Variants in BRINP1 observed in about 807,000 individuals in gnomAD.
BRINP1 encodes the protein BMP/retinoic acid-inducible neural-specific protein 1.
Under a neutral mutation model 72.9 loss-of-function variants are expected in BRINP1, and 17 were observed. The ratio of observed to expected loss-of-function variants is 0.23; its 90% CI spans 0.16 to 0.35. BRINP1 has a LOEUF of 0.35. Ranked by LOEUF, BRINP1 falls within the 10% of genes least tolerant of loss-of-function variation. The pLI is 1.00. For synonymous variants in BRINP1, 418 were observed against 378.5 expected, an observed-to-expected ratio of 1.10 and a Z score of -1.21; for missense variants, 850 against 1,001.6, an observed-to-expected ratio of 0.85 and a Z score of 2.04.
At chr9:119,321,599 C>G (rs1014338744) in intron 1 of BRINP1, among the ~76,000 whole-genome samples, 9 of 152,294 alleles carry the variant, frequency 5.9e-5, no homozygotes, top group Admixed American at 3.9e-4. Flanking sequence ...ATCAGCCTCC[C>G]CACTAGCTGG....
At chr9:119,269,501 T>C (rs781231166) in intron 2 of BRINP1, among the ~76,000 whole-genome samples, 11 of 152,214 alleles carry the variant, frequency 7.2e-5, no homozygotes, top group Non-Finnish European at 1.2e-4. Context: ...CTCCATGGTT[T>C]CTTTTCTTTT....
intron 7 of BRINP1, among the ~76,000 whole-genome samples, chr9:119,173,684 G>T (rs1279318370): frequency 6.9e-6 from 1 of 143,952 alleles, no homozygotes; most frequent in Non-Finnish European, 1.5e-5. Context: ...GCATCGCCAA[G>T]TCAATCCTAA....
At chr9:119,360,337 G>A (rs187960423) in intron 1 of BRINP1, among the ~76,000 whole-genome samples, 16 of 152,288 alleles carry the variant, frequency 1.1e-4, no homozygotes, top group African/African-American at 3.6e-4. Context: ...AGATGTTTTT[G>A]TCGTCCCAGC....
intron 1 of BRINP1, among the ~76,000 whole-genome samples, chr9:119,338,863 C>G (rs1439865533): frequency 1.3e-5 from 2 of 149,112 alleles, no homozygotes; most frequent in East Asian, 4.0e-4. Context: ...CCAGCCCTGG[C>G]GACACAGGGA....
chr9:119,345,521 T>C (rs751097511), intron 1 of BRINP1, among the ~76,000 whole-genome samples: 1 of 152,192 alleles, frequency 6.6e-6, no homozygotes, highest in Non-Finnish European at 1.5e-5. Flanking sequence ...TGCTACCCCA[T>C]CTTACTGTCT....
chr9:119,220,022 T>C (rs371595800), intron 5 of BRINP1, among the ~76,000 whole-genome samples: 14 of 152,258 alleles, frequency 9.2e-5, no homozygotes, highest in African/African-American at 2.4e-4. Context: ...TTTTGTTTGT[T>C]TGCTTACAAG....
chr9:119,179,899 G>A (rs1829533469), intron 7 of BRINP1, among the ~76,000 whole-genome samples: 1 of 152,182 alleles, frequency 6.6e-6, no homozygotes, highest in African/African-American at 2.4e-5. Context: ...GGAATTTCTG[G>A]CAACCTGACA....
intron 5 of BRINP1, among the ~76,000 whole-genome samples, chr9:119,234,989 T>C (rs1013149262): frequency 6.6e-6 from 1 of 152,158 alleles, no homozygotes; most frequent in African/African-American, 2.4e-5. Flanking sequence ...AAATTCTATA[T>C]GGTCTTTTCA....
intron 7 of BRINP1, among the ~76,000 whole-genome samples, chr9:119,174,302 C>G (rs1217273946): frequency 6.6e-6 from 1 of 150,858 alleles, no homozygotes; most frequent in Admixed American, 6.6e-5. Flanking sequence ...AACAAGTGGG[C>G]GAAGGACATG....
At chr9:119,169,459 C>T (rs897891734) in intron 7 of BRINP1, among the ~76,000 whole-genome samples, 5 of 152,234 alleles carry the variant, frequency 3.3e-5, no homozygotes, top group African/African-American at 9.6e-5. Flanking sequence ...ATTATATTAC[C>T]GCACCTGGCT....
At chr9:119,229,361 T>C (rs1830125561) in intron 5 of BRINP1, among the ~76,000 whole-genome samples, 1 of 152,144 alleles carries the variant, frequency 6.6e-6, no homozygotes, top group Admixed American at 6.5e-5. Context: ...TATTCTTACA[T>C]GCATAATACA....
chr9:119,332,368 A>G (rs987113828), intron 1 of BRINP1, among the ~76,000 whole-genome samples: 3 of 152,208 alleles, frequency 2.0e-5, no homozygotes, highest in African/African-American at 2.4e-5. Flanking sequence ...ATTCATCTCC[A>G]TAACAACCTA....
chr9:119,174,945 T>TATC (rs1192438624), intron 7 of BRINP1, among the ~76,000 whole-genome samples: 1 of 140,928 alleles, frequency 7.1e-6, no homozygotes, highest in African/African-American at 2.7e-5. Context: ...GGAAGGGGAA[T>TATC]ATCACACTCT....
At chr9:119,212,093 T>C (rs1456024991) in intron 6 of BRINP1, among the ~76,000 whole-genome samples, 2 of 152,162 alleles carry the variant, frequency 1.3e-5, no homozygotes, top group African/African-American at 4.8e-5. Flanking sequence ...ATAATCATCA[T>C]AGTACATTTC....
intron 2 of BRINP1, among the ~76,000 whole-genome samples, chr9:119,274,077 G>A (rs1830631357): frequency 6.6e-6 from 1 of 152,188 alleles, no homozygotes; most frequent in South Asian, 2.1e-4. Flanking sequence ...GCTAAATGTG[G>A]ACAGTGAATG....
chr9:119,302,450 G>T lies in BRINP1; in HGVS notation c.218+10688C>A, dbSNP rs1300851981. Among the ~76,000 whole-genome samples the T allele has an allele frequency of 2.0e-5, 3 of 151,848 alleles. No individual in the cohort carries two copies. In the East Asian group the frequency reaches 5.8e-4, roughly 29 times the overall value. ...AAATACTTCATTATTAAATTGTTTG[G>T]ATCTAACTACTTATTAAATAGTGTT... On this transcript the variant is annotated intron_variant, in intron 2 of 7. Coordinates refer to ENST00000265922, the MANE Select transcript of BRINP1 (RefSeq NM_014618.3).
At chr9:119,367,145 T>C (rs1228766604) in intron 1 of BRINP1, among the ~76,000 whole-genome samples, 26 of 149,752 alleles carry the variant, frequency 1.7e-4, no homozygotes, top group African/African-American at 6.1e-4. Flanking sequence ...CTAGGGCAGG[T>C]TCCTACAAAT....
At chr9:119,257,615 G>A (rs1042274579) in intron 2 of BRINP1, among the ~76,000 whole-genome samples, 12 of 152,260 alleles carry the variant, frequency 7.9e-5, no homozygotes, top group Admixed American at 2.0e-4. Context: ...TCTGAGTATC[G>A]GGGTGATAGA....
chr9:119,175,108 A>AAAG (rs1829466826), intron 7 of BRINP1, among the ~76,000 whole-genome samples: 1 of 69,118 alleles, frequency 1.4e-5, no homozygotes, highest in South Asian at 5.4e-4. Flanking sequence ...CCTAAAACTT[A>AAAG]AAGTAAAGTA....
Sources: gnomAD v4.1 joint callset for allele counts (sites outside exome capture counted in the v4.1 genomes callset) on GRCh38, gnomAD v4.1.1 for gene constraint, MANE v1.5 for transcripts, NCBI Gene and HGNC (gene_info 2026-07-23, HGNC 2026-07-21) for gene names.